JAK1: variants seen among roughly 807,000 people sequenced by gnomAD.
The protein encoded by JAK1 is Janus kinase 1.
In JAK1, 16 loss-of-function variants were observed where a neutral mutation model predicts 136.6. The observed-to-expected ratio is 0.12, with a 90% confidence interval of 0.08 to 0.18. The LOEUF (loss-of-function observed/expected upper bound fraction) is 0.18. Among genes scored for constraint, JAK1 ranks in the 10% least tolerant of loss-of-function variants. The pLI is 1.00. For missense variants in JAK1, 859 were observed against 1,450.1 expected (o/e 0.59, Z 6.62); for synonymous variants, 492 against 519.5 (o/e 0.95, Z 0.72).
At chr1:65,025,818 T>C (rs1325273306) in intron 2 of JAK1, among the ~76,000 whole-genome samples, 2 of 152,094 alleles carry the variant, frequency 1.3e-5, no homozygotes, top group African/African-American at 2.4e-5. Flanking sequence ...GCTGTGACTA[T>C]AGGTGCATAC....
chr1:64,860,749 G>A (rs1037000144), intron 8 of JAK1, among the ~76,000 whole-genome samples: 13 of 151,928 alleles, frequency 8.6e-5, no homozygotes, highest in Admixed American at 4.6e-4. Flanking sequence ...CACTGTGCCC[G>A]ATCCCCCTTG....
Position 64,913,618 on chromosome 1 carries a change from T to TGGGA in JAK1, c.-77-27281_-77-27278dup, listed in dbSNP as rs1227921796. On this transcript the variant is annotated intron_variant, in intron 1 of 24. Coordinates refer to ENST00000342505, the MANE Select transcript of JAK1 (RefSeq NM_002227.4). Reference sequence around the variant, plus strand: ...ATAATACATATGGCAAGATTCCATTTGGGAGGGAGGGAGGGAGGAAGGGAG... The same window carrying TGGGA: ...ATAATACATATGGCAAGATTCCATTTGGGAGGGAGGGAGGGAGGGAGGAAGGGAG... Among the ~76,000 whole-genome samples the TGGGA allele has an allele frequency of 3.9e-4, 46 of 118,698 alleles. 4 individuals carry two copies. Among genetic ancestry groups the TGGGA allele is most frequent in the African/African-American group, 7.2e-4 (20 of 27,628 alleles). 77.9% of individuals were successfully genotyped at this position (118,698 alleles called of 152,430 possible). A position where few individuals can be genotyped will look rare whatever the true frequency, so the allele number is the denominator to read the frequency against.
intron 2 of JAK1, among the ~76,000 whole-genome samples, chr1:65,012,668 T>C (rs1392768214): frequency 6.6e-6 from 1 of 151,938 alleles, no homozygotes; most frequent in Non-Finnish European, 1.5e-5. Context: ...GGTGTGCACC[T>C]GTGGCCCCAG....
At chr1:64,921,984 G>A (rs1442999780) in intron 1 of JAK1, among the ~76,000 whole-genome samples, 1 of 151,926 alleles carries the variant, frequency 6.6e-6, no homozygotes, top group African/African-American at 2.4e-5. Flanking sequence ...AGTTGCACAA[G>A]CAGAGTAGAT....
chr1:65,050,371 A>AG (rs1647251653), intron 1 of JAK1, among the ~76,000 whole-genome samples: 1 of 152,230 alleles, frequency 6.6e-6, no homozygotes, highest in African/African-American at 2.4e-5. Context: ...TGTCAGGAAA[A>AG]GGTCTCTGAG....
intron 1 of JAK1, among the ~76,000 whole-genome samples, 198 bp downstream of exon 1, chr1:64,966,135 C>A (rs968285707): frequency 2.0e-5 from 3 of 151,926 alleles, no homozygotes; most frequent in African/African-American, 7.2e-5. Flanking sequence ...CGCCGCCCGC[C>A]GGCTCCGCGG....
At chr1:64,988,546 T>C (rs563308533) in intron 2 of JAK1, among the ~76,000 whole-genome samples, 33 of 152,058 alleles carry the variant, frequency 2.2e-4, no homozygotes, top group Middle Eastern at 3.4e-3. Flanking sequence ...TGGAAAAAAG[T>C]CAGAGGCTTA....
At chr1:64,954,608 G>A (rs949230809) in intron 1 of JAK1, among the ~76,000 whole-genome samples, 8 of 152,124 alleles carry the variant, frequency 5.3e-5, no homozygotes, top group African/African-American at 1.9e-4. Context: ...TGTCACCACA[G>A]GTTGGGGAAA....
intron 11 of JAK1, among the ~76,000 whole-genome samples, chr1:64,851,460 G>T (rs1020368527): frequency 6.6e-6 from 1 of 152,186 alleles, no homozygotes; most frequent in Non-Finnish European, 1.5e-5. Flanking sequence ...AACAAACGCT[G>T]GTTTTGAGCC....
intron 2 of JAK1, chr1:64,985,987 T>G (rs1396924522): frequency 7.7e-7 from 1 of 1,291,332 alleles, no homozygotes; most frequent in Non-Finnish European, 1.1e-6. Context: ...CTTATGATCA[T>G]CTCAGGAGCA....
intron 1 of JAK1, among the ~76,000 whole-genome samples, chr1:64,963,066 C>T (rs895026699): frequency 1.3e-5 from 2 of 152,062 alleles, no homozygotes; most frequent in African/African-American, 4.8e-5. Flanking sequence ...AGTGAGACAC[C>T]ATCTCGAAAA....
intron 2 of JAK1, among the ~76,000 whole-genome samples, chr1:65,029,891 C>T (rs998804791): frequency 6.6e-6 from 1 of 151,948 alleles, no homozygotes; most frequent in African/African-American, 2.4e-5. Flanking sequence ...TACAACAAAC[C>T]CCACAACACA....
At chr1:64,959,201 A>G (rs796992018) in intron 1 of JAK1, among the ~76,000 whole-genome samples, 21 of 152,382 alleles carry the variant, frequency 1.4e-4, no homozygotes, top group African/African-American at 4.8e-4. Context: ...AATAATGCCC[A>G]GACCCAAGAA....
intron 2 of JAK1, among the ~76,000 whole-genome samples, chr1:65,012,729 C>T (rs180857597): frequency 3.3e-4 from 50 of 150,680 alleles, no homozygotes; most frequent in Non-Finnish European, 5.2e-4. Context: ...GGGTTCAAGG[C>T]TGCACTGAGC....
chr1:64,990,177 A>C (rs1646641833), intron 2 of JAK1: 1 of 150,196 alleles, frequency 6.7e-6, no homozygotes, highest in African/African-American at 2.5e-5. Context: ...GTGTGGTGGC[A>C]TGTGCCTGCA....
intron 1 of JAK1, among the ~76,000 whole-genome samples, chr1:64,936,932 A>G (rs937688697): frequency 2.0e-5 from 3 of 152,134 alleles, no homozygotes; most frequent in African/African-American, 7.2e-5. Context: ...TTTTATATTA[A>G]TAAATCAAAT....
intron 2 of JAK1, among the ~76,000 whole-genome samples, chr1:65,001,223 C>G (rs1230903864): frequency 6.6e-6 from 1 of 152,192 alleles, no homozygotes; most frequent in Non-Finnish European, 1.5e-5. Flanking sequence ...AATCCTAAAG[C>G]CTGTTTCCTT....
intron 10 of JAK1, among the ~76,000 whole-genome samples, chr1:64,856,503 A>G (rs1321251127): frequency 2.6e-5 from 4 of 152,126 alleles, no homozygotes; most frequent in African/African-American, 7.2e-5. Context: ...CATTTCTATG[A>G]CTGCTGTTTT....
chr1:64,894,022 C>T (rs1644977232), intron 1 of JAK1, among the ~76,000 whole-genome samples: 1 of 152,182 alleles, frequency 6.6e-6, no homozygotes, highest in South Asian at 2.1e-4. Flanking sequence ...TTCCTATATC[C>T]ACTCAGTGTT....
Sources: gnomAD v4.1 joint callset for allele counts (sites outside exome capture counted in the v4.1 genomes callset) on GRCh38, gnomAD v4.1.1 for gene constraint, MANE v1.5 for transcripts, NCBI Gene and HGNC (gene_info 2026-07-23, HGNC 2026-07-21) for gene names.